Variants in NPAT observed in about 807,000 individuals in gnomAD.
The protein encoded by NPAT is nuclear protein, coactivator of histone transcription.
A neutral mutation model predicts 130.7 loss-of-function variants in NPAT; 52 were observed. The observed-to-expected ratio is 0.40, with a 90% CI of 0.32 to 0.50. NPAT has a LOEUF of 0.50. NPAT is among the 20% of genes least tolerant of loss of function. NPAT has a pLI of 0.68. For missense variants in NPAT, 1,687 were observed against 1,662.6 expected (o/e 1.01, Z -0.26); for synonymous variants, 580 against 584.8 (o/e 0.99, Z 0.12).
intron 15 of NPAT, among the ~76,000 whole-genome samples, chr11:108,162,565 G>C (rs2077862396): frequency 6.6e-6 from 1 of 152,042 alleles, no homozygotes; most frequent in African/African-American, 2.4e-5. Flanking sequence ...CGAGTAGCTG[G>C]GATTACAGGC....
Position 108,161,373 on chromosome 11 carries a change from G to A in NPAT, c.3713C>T (p.Ala1238Val), listed in dbSNP as rs1313256145. The A allele has an allele frequency of 1.2e-6, 2 of 1,614,120 alleles. No homozygotes were observed. The highest frequency in any genetic ancestry group is 1.7e-5 in the Admixed American group (1 of 60,012). The change falls in exon 17 of 18, where the codon GCC becomes GTC. Residue 1238 changes from alanine (A) to valine (V), a missense_variant. Ala to Val is a moderately conservative substitution (Grantham distance 64, BLOSUM62 0). Around this residue, in one of 3 missense-constraint regions of NPAT, gnomAD observed 1,379 missense variants for 1,346.6 expected, o/e 1.02. Transcript: ENST00000278612. ...KDLKQEQTKSASSLITTEMLQ... is the reference protein window; with the variant it reads ...KDLKQEQTKSVSSLITTEMLQ... Reference sequence around the variant, plus strand: ...CATTTCTGTGGTAATCAAAGAACTGGCGGATTTAGTTTGTTCTTGTTTTAG... The same window carrying A: ...CATTTCTGTGGTAATCAAAGAACTGACGGATTTAGTTTGTTCTTGTTTTAG...
chr11:108,180,596 G>A (rs987191373), intron 10 of NPAT, among the ~76,000 whole-genome samples: 1 of 151,242 alleles, frequency 6.6e-6, no homozygotes, highest in Non-Finnish European at 1.5e-5. Flanking sequence ...CTTGTACACT[G>A]TTGGTGGGAA....
intron 15 of NPAT, among the ~76,000 whole-genome samples, chr11:108,169,229 G>C (rs1342573881): frequency 6.6e-6 from 1 of 152,176 alleles, no homozygotes; most frequent in Non-Finnish European, 1.5e-5. Flanking sequence ...GGGAACACAG[G>C]AAGGTAATTT....
At chr11:108,168,925 C>T (rs1463804683) in intron 15 of NPAT, among the ~76,000 whole-genome samples, 3 of 152,122 alleles carry the variant, frequency 2.0e-5, no homozygotes, top group Non-Finnish European at 4.4e-5. Flanking sequence ...GCACATATGT[C>T]ACCCTGAGAA....
chr11:108,161,851 G>GC lies in NPAT; in HGVS notation c.3234dup (p.Pro1079AlafsTer4). On this transcript the variant is annotated frameshift_variant, in exon 17 of 18. Transcript: ENST00000278612. LOFTEE classifies it high-confidence loss of function. The stretch of plus-strand genomic sequence containing the variant: ...TTTTGGGACACCATCTTATGGTTTG[G>GC]CCCCTGCGTATTTGCCACAGGAGCA... The GC allele has an allele frequency of 6.2e-7, 1 of 1,614,074 alleles. No homozygotes were observed. The highest frequency in any genetic ancestry group is 8.5e-7 in the Non-Finnish European group (1 of 1,180,028).
intron 1 of NPAT, among the ~76,000 whole-genome samples, chr11:108,203,533 G>A (rs893026317): frequency 2.6e-5 from 4 of 152,266 alleles, no homozygotes; most frequent in African/African-American, 4.8e-5. Flanking sequence ...AACAGTACCC[G>A]AAGTACCAGT....
intron 12 of NPAT, among the ~76,000 whole-genome samples, chr11:108,175,347 C>T (rs1462453632): frequency 2.0e-5 from 3 of 152,160 alleles, no homozygotes; most frequent in Non-Finnish European, 4.4e-5. Flanking sequence ...AATATATCCC[C>T]CATAGATAAG....
intron 10 of NPAT, among the ~76,000 whole-genome samples, chr11:108,179,531 C>A (rs1218378529): frequency 6.6e-6 from 1 of 152,204 alleles, no homozygotes; most frequent in Non-Finnish European, 1.5e-5. Context: ...TGAGCCACCA[C>A]GCCCGGACTC....
intron 4 of NPAT, among the ~76,000 whole-genome samples, 169 bp from the exon 5 acceptor site, chr11:108,190,669 C>T (rs1399868465): frequency 6.6e-6 from 1 of 152,158 alleles, no homozygotes; most frequent in Non-Finnish European, 1.5e-5. Flanking sequence ...CTGTGATTTG[C>T]TTTAGGAGAA....
At position 108,160,983 on chromosome 11, in the gene NPAT, T is replaced by TTTG. The variant is rs770096608; in HGVS notation, c.4100_4102dup (p.Thr1367dup). ...ATCTAATTCCTCAATTTTCCGCTTT[T>TTTG]TTGTGGTGCTCCTTGAAGATGCTCT... is the stretch of plus-strand genomic sequence containing the variant. On this transcript the variant is annotated inframe_insertion, in exon 17 of 18. Coordinates refer to ENST00000278612, the MANE Select transcript of NPAT (RefSeq NM_002519.3). The TTTG allele has an allele frequency of 2.5e-6, 4 of 1,614,228 alleles. No individual in the cohort carries two copies. In the South Asian group the frequency reaches 4.4e-5, roughly 18 times the overall value.
chr11:108,188,310 G>T, intron 6 of NPAT, 131 bp from the exon 7 acceptor site: 1 of 727,554 alleles, frequency 1.4e-6, no homozygotes, highest in Non-Finnish European at 2.4e-6. Flanking sequence ...TGCCTACCAT[G>T]TGTAAAGCAT....
intron 1 of NPAT, among the ~76,000 whole-genome samples, chr11:108,207,688 G>A (rs749813896): frequency 7.2e-5 from 11 of 152,228 alleles, no homozygotes; most frequent in Non-Finnish European, 1.2e-4. Flanking sequence ...GCCAGGCAGC[G>A]GGAGTAGGCG....
At chr11:108,218,470 G>T (rs183459) in intron 1 of NPAT, among the ~76,000 whole-genome samples, 92,219 of 152,064 alleles carry the variant, frequency 0.61, 28,171 homozygotes, top group Middle Eastern at 0.76. Flanking sequence ...TTTAATGTTC[G>T]TTAAGCATGC....
intron 15 of NPAT, among the ~76,000 whole-genome samples, chr11:108,165,693 C>T (rs1285249672): frequency 2.0e-5 from 3 of 151,014 alleles, no homozygotes; most frequent in Non-Finnish European, 4.4e-5. Flanking sequence ...TGCAGTGGCA[C>T]GATCTTGTCT....
At chr11:108,182,720 A>G (rs1463268883) in intron 10 of NPAT, among the ~76,000 whole-genome samples, 2 of 152,066 alleles carry the variant, frequency 1.3e-5, no homozygotes, top group Non-Finnish European at 2.9e-5. Context: ...CAACCCCTGA[A>G]CTCAGGTGAT....
chr11:108,183,545 T>C (rs982208553), intron 10 of NPAT, among the ~76,000 whole-genome samples: 5 of 152,226 alleles, frequency 3.3e-5, no homozygotes, highest in African/African-American at 1.2e-4. Context: ...CTCATGCCTG[T>C]AATCCCAGCA....
At chr11:108,210,078 CG>C (rs1388541047) in intron 1 of NPAT, among the ~76,000 whole-genome samples, 1 of 144,648 alleles carries the variant, frequency 6.9e-6, no homozygotes, top group Admixed American at 6.9e-5. Flanking sequence ...CTAGACCAAC[CG>C]AAAAAAAAAA....
intron 1 of NPAT, among the ~76,000 whole-genome samples, chr11:108,221,795 G>A (rs2078505363): frequency 6.6e-6 from 1 of 152,068 alleles, no homozygotes; most frequent in South Asian, 2.1e-4. Context: ...CTCTCACACA[G>A]ACAATACACC....
intron 1 of NPAT, among the ~76,000 whole-genome samples, chr11:108,206,142 A>G (rs926486520): frequency 6.6e-6 from 1 of 152,262 alleles, no homozygotes; most frequent in African/African-American, 2.4e-5. Context: ...AACTGTACAC[A>G]ACAATATGGG....
Sources: allele counts gnomAD v4.1 joint callset (sites outside exome capture counted in the v4.1 genomes callset), GRCh38; gene constraint gnomAD v4.1.1; regional missense constraint gnomAD v4.1.1; transcripts MANE v1.5; gene names NCBI Gene and HGNC (gene_info 2026-07-23, HGNC 2026-07-21).